The following CRACR2A variants were observed in gnomAD, a reference collection of about 807,000 sequenced individuals.
CRACR2A encodes calcium release activated channel regulator 2A.
A neutral mutation model predicts 90.5 loss-of-function variants in CRACR2A; 79 were observed. The ratio of observed to expected loss-of-function variants is 0.87; its 90% CI spans 0.73 to 1.05. The LOEUF is 1.05. CRACR2A is among the 50% of genes least tolerant of loss of function. The pLI is 0.00. For synonymous variants in CRACR2A, 338 were observed against 356.7 expected (o/e 0.95, Z 0.59); for missense variants, 823 against 897.2 (o/e 0.92, Z 1.06).
At chr12:3,696,014 A>C (rs1945733545) in intron 4 of CRACR2A, among the ~76,000 whole-genome samples, 1 of 152,260 alleles carries the variant, frequency 6.6e-6, no homozygotes, top group South Asian at 2.1e-4. Context: ...ATGGTCAAAA[A>C]GAAATATCAA....
chr12:3,648,258 A>T (rs877554), intron 11 of CRACR2A: 646,485 of 1,306,936 alleles, frequency 0.49, 166,565 homozygotes, highest in East Asian at 0.91. Context: ...TGCTCGCATG[A>T]GATCAAGTAC....
At chr12:3,626,268 C>T (rs1944257782) in intron 17 of CRACR2A, among the ~76,000 whole-genome samples, 1 of 151,372 alleles carries the variant, frequency 6.6e-6, no homozygotes, top group African/African-American at 2.4e-5. Context: ...GATCTTAGGG[C>T]CAAAAGGGTC....
intron 1 of CRACR2A, among the ~76,000 whole-genome samples, chr12:3,747,960 G>A (rs1393171721): frequency 6.8e-6 from 1 of 147,508 alleles, no homozygotes; most frequent in Admixed American, 6.7e-5. Context: ...GCTCAGGGGT[G>A]CACCCAGAAG....
intron 10 of CRACR2A, among the ~76,000 whole-genome samples, chr12:3,653,492 A>G (rs1320686144): frequency 6.6e-6 from 1 of 152,214 alleles, no homozygotes; most frequent in Non-Finnish European, 1.5e-5. Flanking sequence ...TACTCCCAAG[A>G]CAAGATAAAT....
intron 2 of CRACR2A, chr12:3,727,770 C>G (rs902012753): frequency 6.6e-6 from 1 of 152,162 alleles, no homozygotes; most frequent in Non-Finnish European, 1.5e-5. Flanking sequence ...GAAAAACTAC[C>G]TATTGCATAC....
intron 1 of CRACR2A, among the ~76,000 whole-genome samples, chr12:3,737,085 G>A (rs1317525341): frequency 6.6e-6 from 1 of 152,212 alleles, no homozygotes; most frequent in African/African-American, 2.4e-5. Context: ...TAAGTGTTCT[G>A]ATGAAGACAT....
intron 2 of CRACR2A, chr12:3,729,858 G>A (rs1480056100): frequency 1.3e-5 from 2 of 152,220 alleles, no homozygotes; most frequent in East Asian, 1.9e-4. Flanking sequence ...TCCTTGTCTG[G>A]AAAAGTGAGC....
In CRACR2A at chr12:3,654,281, A is replaced by G. The variant is rs1944855724; in HGVS notation, c.977T>C (p.Leu326Pro). ...TTCCAACTGCTGCTGAGCATCCTGG[A>G]GCTCCCAGGAAGTCCGCTCCAGCTC... The part of the protein sequence containing the change: ...ARELERTSWE[L>P]QDAQQQLESL... The change falls in exon 10 of 20, where the codon CTC becomes CCC. Residue 326 changes from leucine (L) to proline (P), a missense_variant. Leu to Pro is a moderately conservative substitution (Grantham distance 98, BLOSUM62 -3). Coordinates refer to ENST00000440314, the MANE Select transcript of CRACR2A (RefSeq NM_001144958.2). 6.2e-7 allele frequency: 1 copy of G among 1,613,750 alleles called. No individual in the cohort carries two copies.
At chr12:3,751,774 G>A (rs1349508349) in intron 1 of CRACR2A, among the ~76,000 whole-genome samples, 20 of 105,558 alleles carry the variant, frequency 1.9e-4, no homozygotes, top group Admixed American at 1.2e-3. Flanking sequence ...ACAGGACCTC[G>A]GAAGCCGTAC....
intron 14 of CRACR2A, among the ~76,000 whole-genome samples, chr12:3,636,103 T>C (rs931446945): frequency 4.6e-5 from 7 of 152,248 alleles, no homozygotes; most frequent in African/African-American, 1.7e-4. Flanking sequence ...TAAATAACTC[T>C]TGCATTCTTG....
chr12:3,653,075 CA>C (rs555918011), intron 10 of CRACR2A, among the ~76,000 whole-genome samples: 159 of 130,040 alleles, frequency 1.2e-3, no homozygotes, highest in African/African-American at 4.4e-3. Context: ...CTCTGCCTCC[CA>C]GGTTCAAGCC....
intron 17 of CRACR2A, among the ~76,000 whole-genome samples, chr12:3,620,388 C>G (rs1944108833): frequency 6.6e-6 from 1 of 152,296 alleles, no homozygotes; most frequent in Admixed American, 6.5e-5. Context: ...TAAGCAGTTA[C>G]AGTTTTGCCA....
Position 3,654,330 on chromosome 12 carries a change from G to A in CRACR2A, c.928C>T (p.Leu310Phe). The A allele has an allele frequency of 6.2e-7, 1 of 1,614,022 alleles. No individual in the cohort carries two copies. Among genetic ancestry groups the A allele is most frequent in the Non-Finnish European group, 8.5e-7 (1 of 1,179,958 alleles). ...ETKAENTKLKLTNQELARELE... is the reference protein window; with the variant it reads ...ETKAENTKLKFTNQELARELE... ...TCCCGGGCCAGCTCCTGGTTAGTGAGTTTCAGCTTGGTATTCTCAGCCTTG... is the reference window on the plus strand; with the variant it reads ...TCCCGGGCCAGCTCCTGGTTAGTGAATTTCAGCTTGGTATTCTCAGCCTTG... Residue 310 changes from leucine to phenylalanine, a missense_variant, in exon 10 of 20, where the codon CTC (leucine) becomes TTC (phenylalanine). By Grantham distance (22) the Leu-to-Phe change is conservative. Transcript: ENST00000440314.
chr12:3,634,906 C>A (rs532110770), intron 14 of CRACR2A, among the ~76,000 whole-genome samples: 3 of 152,236 alleles, frequency 2.0e-5, no homozygotes, highest in African/African-American at 7.2e-5. Flanking sequence ...ATGCCTCCTG[C>A]CCCATTTTCT....
At chr12:3,626,502 G>A in intron 17 of CRACR2A, among the ~76,000 whole-genome samples, 1 of 152,246 alleles carries the variant, frequency 6.6e-6, no homozygotes, top group East Asian at 1.9e-4. Flanking sequence ...TATGGGCTTG[G>A]AGCAGAGAGC....
At chr12:3,686,701 C>T (rs911742243) in intron 4 of CRACR2A, among the ~76,000 whole-genome samples, 1 of 152,090 alleles carries the variant, frequency 6.6e-6, no homozygotes, top group African/African-American at 2.4e-5. Flanking sequence ...TTGCACCAGA[C>T]CTAACCCTGC....
intron 17 of CRACR2A, among the ~76,000 whole-genome samples, chr12:3,622,253 T>A (rs570874502): frequency 4.9e-4 from 75 of 152,332 alleles, no homozygotes; most frequent in Non-Finnish European, 7.9e-4. Flanking sequence ...AAAAATCCCA[T>A]CAGCATGACA....
At chr12:3,693,910 C>T (rs1288635116) in intron 4 of CRACR2A, among the ~76,000 whole-genome samples, 1 of 152,220 alleles carries the variant, frequency 6.6e-6, no homozygotes, top group East Asian at 1.9e-4. Flanking sequence ...CTCTACTTCT[C>T]TAAGCACTTC....
intron 4 of CRACR2A, among the ~76,000 whole-genome samples, chr12:3,683,891 C>A (rs1287278176): frequency 6.6e-6 from 1 of 152,206 alleles, no homozygotes; most frequent in East Asian, 1.9e-4. Context: ...CACTCCAGAA[C>A]CTGACCAGCC....
Sources: allele counts gnomAD v4.1 joint callset (sites outside exome capture counted in the v4.1 genomes callset), GRCh38; gene constraint gnomAD v4.1.1; transcripts MANE v1.5; gene names NCBI Gene and HGNC (gene_info 2026-07-23, HGNC 2026-07-21).